SHISA9: variants seen among roughly 807,000 people sequenced by gnomAD.
SHISA9 encodes the protein shisa family member 9.
A neutral mutation model predicts 38.0 loss-of-function variants in SHISA9; 13 were observed. The observed-to-expected ratio is 0.34, with a 90% CI of 0.22 to 0.54. The LOEUF is 0.54. Ranked by LOEUF, SHISA9 falls within the 20% of genes least tolerant of loss-of-function variation. The pLI is 0.91. For missense variants in SHISA9, 538 were observed against 575.8 expected, an observed-to-expected ratio of 0.93 and a Z score of 0.67; for synonymous variants, 275 against 242.0, an observed-to-expected ratio of 1.14 and a Z score of -1.27.
At chr16:13,186,601 A>G (rs552903139) in intron 2 of SHISA9, among the ~76,000 whole-genome samples, 2 of 152,172 alleles carry the variant, frequency 1.3e-5, no homozygotes, top group East Asian at 1.9e-4. Flanking sequence ...CCAGCCATCC[A>G]TCTTAACCAT....
intron 2 of SHISA9, among the ~76,000 whole-genome samples, chr16:12,917,232 C>G (rs2071270217): frequency 1.3e-5 from 2 of 152,174 alleles, no homozygotes; most frequent in Admixed American, 1.3e-4. Flanking sequence ...TGAGGTAGAC[C>G]AGTTGTGACT....
chr16:13,058,780 T>TGC (rs1274388501), intron 2 of SHISA9, among the ~76,000 whole-genome samples: 78 of 151,328 alleles, frequency 5.2e-4, no homozygotes, highest in African/African-American at 1.8e-3. Flanking sequence ...TGTGTGTGTG[T>TGC]GTGAATGTGT....
the SHISA9 span, among the ~76,000 whole-genome samples, chr16:13,542,187 C>A: frequency 6.6e-6 from 1 of 152,164 alleles, no homozygotes; most frequent in African/African-American, 2.4e-5. Context: ...TCAGAGGGAG[C>A]ATGCCCCTGC....
At chr16:13,490,758 C>T in the SHISA9 span, among the ~76,000 whole-genome samples, 1 of 152,156 alleles carries the variant, frequency 6.6e-6, no homozygotes, top group East Asian at 1.9e-4. Flanking sequence ...CCAGGCAAAG[C>T]ACTTAGCACT....
the SHISA9 span, among the ~76,000 whole-genome samples, chr16:13,463,874 A>G: frequency 6.6e-6 from 1 of 152,250 alleles, no homozygotes; most frequent in Admixed American, 6.5e-5. Context: ...GCTCCCTGGA[A>G]TTGCAGAAGC....
At chr16:13,407,327 C>A in the SHISA9 span, among the ~76,000 whole-genome samples, 1 of 152,058 alleles carries the variant, frequency 6.6e-6, no homozygotes, top group Non-Finnish European at 1.5e-5. Flanking sequence ...TGGTCTCTCT[C>A]CTGCTTCTTA....
At chr16:13,349,745 C>T in the SHISA9 span, among the ~76,000 whole-genome samples, 1 of 152,180 alleles carries the variant, frequency 6.6e-6, no homozygotes. Context: ...ACAAATATGG[C>T]ATCTTAGAAT....
chr16:13,512,524 C>T, the SHISA9 span, among the ~76,000 whole-genome samples: 2 of 151,360 alleles, frequency 1.3e-5, no homozygotes, highest in South Asian at 4.2e-4. Flanking sequence ...CATATGGAAC[C>T]AAAAAAAAGA....
intron 2 of SHISA9, among the ~76,000 whole-genome samples, chr16:13,028,547 C>G (rs1252987683): frequency 6.6e-6 from 1 of 152,140 alleles, no homozygotes; most frequent in East Asian, 1.9e-4. Context: ...AGACTTATTT[C>G]TTACCATGAG....
chr16:12,993,644 A>C (rs555051010), intron 2 of SHISA9, among the ~76,000 whole-genome samples: 9 of 152,366 alleles, frequency 5.9e-5, no homozygotes, highest in Admixed American at 5.2e-4. Context: ...CCCTGCCTGC[A>C]TGGAGTTTAC....
At chr16:12,949,052 G>A (rs1253701351) in intron 2 of SHISA9, among the ~76,000 whole-genome samples, 2 of 152,160 alleles carry the variant, frequency 1.3e-5, no homozygotes, top group Non-Finnish European at 2.9e-5. Context: ...CTGTGTGGTA[G>A]GATGAGATAA....
intron 2 of SHISA9, among the ~76,000 whole-genome samples, chr16:13,170,138 G>A (rs1262696198): frequency 6.6e-6 from 1 of 150,434 alleles, no homozygotes. Flanking sequence ...GGGAGGTGGA[G>A]GTTGCAGTGA....
intron 2 of SHISA9, among the ~76,000 whole-genome samples, chr16:13,003,815 G>A (rs1417516477): frequency 1.3e-5 from 2 of 151,854 alleles, no homozygotes; most frequent in Non-Finnish European, 2.9e-5. Context: ...CCGAGATCGC[G>A]CCACTGCACT....
chr16:12,978,731 A>G (rs2072199950), intron 2 of SHISA9, among the ~76,000 whole-genome samples: 2 of 152,190 alleles, frequency 1.3e-5, no homozygotes, highest in South Asian at 2.1e-4. Context: ...GAGATGAGAT[A>G]TTTTCTTTGA....
chr16:13,182,649 A>G (rs991786783), intron 2 of SHISA9, among the ~76,000 whole-genome samples: 5 of 152,170 alleles, frequency 3.3e-5, no homozygotes, highest in Non-Finnish European at 1.5e-5. Flanking sequence ...TGTTTTTCTG[A>G]TGTCATTGCT....
At chr16:13,326,126 T>C in the SHISA9 span, among the ~76,000 whole-genome samples, 2 of 151,068 alleles carry the variant, frequency 1.3e-5, no homozygotes, top group African/African-American at 2.4e-5. Flanking sequence ...GAGAGAAATG[T>C]CCCGGCTTAA....
At chr16:13,329,711 G>A in the SHISA9 span, among the ~76,000 whole-genome samples, 1 of 152,196 alleles carries the variant, frequency 6.6e-6, no homozygotes, top group South Asian at 2.1e-4. Flanking sequence ...AAGAACAGCA[G>A]AAAGGTAGAG....
intron 2 of SHISA9, among the ~76,000 whole-genome samples, chr16:13,148,140 A>T (rs1333914108): frequency 6.6e-6 from 1 of 152,134 alleles, no homozygotes; most frequent in East Asian, 1.9e-4. Context: ...CTGCCAGCAC[A>T]TACCTACATG....
the SHISA9 span, among the ~76,000 whole-genome samples, chr16:13,451,096 G>A: frequency 2.0e-5 from 3 of 152,186 alleles, no homozygotes; most frequent in Admixed American, 1.3e-4. Flanking sequence ...TGCTTCCCGG[G>A]AACAGCCCTC....
Sources: gnomAD v4.1 joint callset for allele counts (sites outside exome capture counted in the v4.1 genomes callset) on GRCh38, gnomAD v4.1.1 for gene constraint, MANE v1.5 for transcripts, NCBI Gene and HGNC (gene_info 2026-07-23, HGNC 2026-07-21) for gene names.